Variants in MYT1L observed in about 807,000 individuals in gnomAD.
MYT1L encodes the protein myelin transcription factor 1 like.
Under a neutral mutation model 126.7 loss-of-function variants are expected in MYT1L, and 12 were observed. That is an observed-to-expected ratio of 0.09 (90% confidence interval 0.06 to 0.15). MYT1L has a LOEUF of 0.15. MYT1L is among the 10% of genes least tolerant of loss of function. The pLI, the probability that MYT1L is intolerant of heterozygous loss-of-function variation, is 1.00. For synonymous variants in MYT1L, 541 were observed against 604.2 expected (o/e 0.90, Z 1.53); for missense variants, 979 against 1,585.2 (o/e 0.62, Z 6.49).
At chr2:1,821,645 G>A (rs1006105836) in intron 21 of MYT1L, among the ~76,000 whole-genome samples, 15 of 152,178 alleles carry the variant, frequency 9.9e-5, no homozygotes, top group Non-Finnish European at 1.5e-4. Flanking sequence ...TTCAGTGGCC[G>A]GAGTCCTTGG....
At chr2:2,122,837 A>ATGTGTGTGTGTGTGTGTGTGTG (rs200951880) in intron 3 of MYT1L, among the ~76,000 whole-genome samples, 1 of 135,506 alleles carries the variant, frequency 7.4e-6, no homozygotes, top group East Asian at 2.2e-4. Context: ...GAGGATAGGA[A>ATGTGTGTGTGTGTGTGTGTGTG]TGTGTGTGTG....
intron 3 of MYT1L, among the ~76,000 whole-genome samples, chr2:2,143,182 C>T (rs1223938536): frequency 2.0e-5 from 3 of 149,622 alleles, no homozygotes; most frequent in Admixed American, 6.7e-5. Flanking sequence ...CCCAGCTACT[C>T]GGGAGGCTGA....
intron 15 of MYT1L, 79 bp downstream of exon 15, chr2:1,891,958 G>A: frequency 6.9e-7 from 1 of 1,440,262 alleles, no homozygotes; most frequent in Non-Finnish European, 9.1e-7. Context: ...CCCCGAAAGC[G>A]CCGCGTGTCT....
chr2:1,993,582 C>T (rs974227289), intron 5 of MYT1L, among the ~76,000 whole-genome samples: 2 of 152,162 alleles, frequency 1.3e-5, no homozygotes, highest in East Asian at 1.9e-4. Flanking sequence ...ATAATTTATC[C>T]AGCCAGCCCT....
rs138259747 is a variant in MYT1L, at chr2:1,955,057, C to T, written c.153-11723G>A. Among the ~76,000 whole-genome samples the T allele has an allele frequency of 4.5e-3, 689 of 151,654 alleles. 6 individuals are homozygous for T. Among genetic ancestry groups the T allele is most frequent in the African/African-American group, 0.016 (663 of 41,362 alleles). The stretch of plus-strand genomic sequence containing the variant: ...ATCCCAGCTACTCAGGAGGCTGAGG[C>T]AGGAGAATCTCTTGAACCCAGGAGG... On this transcript the variant is annotated intron_variant, in intron 8 of 24. Coordinates refer to ENST00000647738, the MANE Select transcript of MYT1L (RefSeq NM_001303052.2).
intron 2 of MYT1L, among the ~76,000 whole-genome samples, chr2:2,223,768 T>A (rs2093943423): frequency 6.6e-6 from 1 of 152,220 alleles, no homozygotes; most frequent in Non-Finnish European, 1.5e-5. Flanking sequence ...CCAGCATATT[T>A]TATGTTTCCA....
At chr2:1,954,269 G>A (rs554918578) in intron 8 of MYT1L, among the ~76,000 whole-genome samples, 13 of 152,278 alleles carry the variant, frequency 8.5e-5, no homozygotes, top group African/African-American at 2.2e-4. Flanking sequence ...GCGAGGCTGC[G>A]TAGCCACTGC....
At chr2:2,283,809 C>T (rs989602527) in intron 2 of MYT1L, among the ~76,000 whole-genome samples, 1 of 152,156 alleles carries the variant, frequency 6.6e-6, no homozygotes. Context: ...GAAACTACAG[C>T]CTCAAAATGG....
chr2:1,928,534 C>G (rs956357367), intron 9 of MYT1L, among the ~76,000 whole-genome samples: 2 of 151,914 alleles, frequency 1.3e-5, no homozygotes, highest in Admixed American at 1.3e-4. Context: ...CAGTTCTCAC[C>G]CCAGGGCCTC....
At chr2:1,956,363 C>CT (rs2058387122) in intron 8 of MYT1L, among the ~76,000 whole-genome samples, 1 of 148,320 alleles carries the variant, frequency 6.7e-6, no homozygotes, top group East Asian at 2.0e-4. Flanking sequence ...ATCTATCTAT[C>CT]ATCTATCCTA....
In MYT1L at chr2:1,943,282, G is replaced by T; in HGVS notation, c.205C>A (p.Gln69Lys). 6.4e-7 allele frequency: 1 copy of T among 1,567,136 alleles called. No homozygotes were observed. The highest frequency in any genetic ancestry group is 8.7e-7 in the Non-Finnish European group (1 of 1,155,104). ...GGCTTTCGTTTAGGAGCAGGTTCCTGGGGCTGTTTATCTTGTGTTTTTCTT... is the reference window on the plus strand; with the variant it reads ...GGCTTTCGTTTAGGAGCAGGTTCCTTGGGCTGTTTATCTTGTGTTTTTCTT... ...KKRKTQDKQP[Q>K]EPAPKRKPFA... Residue 69 changes from glutamine (Q) to lysine (K), a missense_variant, in exon 9 of 25, where the codon CAG (glutamine) becomes AAG (lysine). By Grantham distance (53) the Gln-to-Lys change is moderately conservative (BLOSUM62 1). Transcript: ENST00000647738. This position sits in a 1 kb window ranked among gnomAD's most constrained non-coding sequence, Gnocchi z 4.4.
intron 2 of MYT1L, among the ~76,000 whole-genome samples, chr2:2,196,811 G>C (rs2092819058): frequency 6.6e-6 from 1 of 151,812 alleles, no homozygotes; most frequent in African/African-American, 2.4e-5. Flanking sequence ...TCATAAAAAA[G>C]GAGGAAAATT....
intron 2 of MYT1L, among the ~76,000 whole-genome samples, chr2:2,188,012 C>T (rs2092333126): frequency 6.6e-6 from 1 of 152,032 alleles, no homozygotes. Context: ...AACAAATGTT[C>T]AGTGCAAAAT....
At chr2:2,005,305 T>C (rs1008068019) in intron 4 of MYT1L, among the ~76,000 whole-genome samples, 2 of 149,900 alleles carry the variant, frequency 1.3e-5, no homozygotes, top group Non-Finnish European at 1.5e-5. Context: ...CGTTCTTTCC[T>C]GCGTGCCTTC....
At chr2:2,215,706 C>T (rs909839562) in intron 2 of MYT1L, among the ~76,000 whole-genome samples, 9 of 152,160 alleles carry the variant, frequency 5.9e-5, no homozygotes, top group African/African-American at 2.2e-4. Context: ...CAAAACACTG[C>T]CTCCAACAAC....
intron 3 of MYT1L, among the ~76,000 whole-genome samples, chr2:2,103,756 T>C (rs2078399832): frequency 6.6e-6 from 1 of 152,216 alleles, no homozygotes; most frequent in Non-Finnish European, 1.5e-5. Context: ...GCAGACATAC[T>C]TTCTCCTTCA....
At chr2:2,196,296 A>T (rs2092795718) in intron 2 of MYT1L, among the ~76,000 whole-genome samples, 1 of 152,094 alleles carries the variant, frequency 6.6e-6, no homozygotes, top group African/African-American at 2.4e-5. Flanking sequence ...TTTTAGATAC[A>T]TTAAAAATAG....
intron 18 of MYT1L, among the ~76,000 whole-genome samples, chr2:1,866,573 G>T (rs2045517172): frequency 7.1e-6 from 1 of 140,874 alleles, no homozygotes; most frequent in Non-Finnish European, 1.5e-5. Context: ...GAAGGGGAGA[G>T]AGAGAGAGGC....
intron 18 of MYT1L, among the ~76,000 whole-genome samples, chr2:1,872,438 G>A (rs1270515480): frequency 1.3e-5 from 2 of 152,226 alleles, no homozygotes; most frequent in African/African-American, 4.8e-5. Context: ...AGGCAGCGGT[G>A]TGGACTAGAT....
Sources: allele counts gnomAD v4.1 joint callset (sites outside exome capture counted in the v4.1 genomes callset), GRCh38; gene constraint gnomAD v4.1.1; non-coding constraint Gnocchi (gnomAD v3.1); transcripts MANE v1.5; gene names NCBI Gene and HGNC (gene_info 2026-07-23, HGNC 2026-07-21).